Variants in HARS2 observed in about 807,000 individuals in gnomAD.
The protein encoded by HARS2 is histidyl-tRNA synthetase 2, mitochondrial.
A neutral mutation model predicts 62.4 loss-of-function variants in HARS2; 40 were observed. The observed-to-expected ratio is 0.64, with a 90% CI of 0.50 to 0.83. The LOEUF (loss-of-function observed/expected upper bound fraction) is 0.83. Ranked by LOEUF, HARS2 falls within the 40% of genes least tolerant of loss-of-function variation. The pLI is 0.00. For synonymous variants in HARS2, 228 were observed against 227.0 expected (o/e 1.00, Z -0.04); for missense variants, 569 against 626.4 (o/e 0.91, Z 0.98).
rs768516014 is a variant in HARS2 at position 140,694,260 on chromosome 5, T to C, written c.379T>C (p.Ser127Pro). The C allele has an allele frequency of 6.2e-7, 1 of 1,610,124 alleles. No individual in the cohort carries two copies. Among genetic ancestry groups the C allele is most frequent in the Non-Finnish European group, 8.5e-7 (1 of 1,176,294 alleles). ...GAAGGATCAAGGTGGAGAGCTGTTGTCCCTCCGCTATGACCTTACTGTATC... is the reference window on the plus strand; with the variant it reads ...GAAGGATCAAGGTGGAGAGCTGTTGCCCCTCCGCTATGACCTTACTGTATC... ...DLKDQGGELL[S>P]LRYDLTVPFA... Residue 127 changes from serine (S) to proline (P), a missense_variant, in exon 4 of 13, where the codon TCC (serine) becomes CCC (proline). Physicochemically the swap from Ser to Pro is moderately conservative, Grantham distance 74. Transcript: ENST00000230771.
chr5:140,697,118 G>A (rs942884992), intron 9 of HARS2, 46 bp from the exon 10 acceptor site: 1 of 1,614,020 alleles, frequency 6.2e-7, no homozygotes, highest in African/African-American at 1.3e-5. Flanking sequence ...AGGGCTCTCA[G>A]GGTCCCGAGT....
rs2149858420 is a variant in HARS2 at position 140,698,885 on chromosome 5, GATTCTGA to G, written c.*335_*341del. 1 of 385,302 alleles carries G rather than the reference GATTCTGA, an allele frequency of 2.6e-6. No homozygotes were observed. Among genetic ancestry groups the G allele is most frequent in the Admixed American group, 3.8e-5 (1 of 26,236 alleles). The allele number at this position is 385,302 out of a possible 1,614,324, so 23.9% of individuals were successfully genotyped here. A position where few individuals can be genotyped will look rare whatever the true frequency, so the allele number is the denominator to read the frequency against. On this transcript the variant is annotated 3_prime_UTR_variant, in exon 13 of 13. Coordinates refer to ENST00000230771, the MANE Select transcript of HARS2 (RefSeq NM_012208.4). Reference sequence around the variant, plus strand: ...TCTGGGAGAGTCACCTCAGGCTCAGGATTCTGAACCATTGAGATCAGAAACCAGATAC... The same window carrying G: ...TCTGGGAGAGTCACCTCAGGCTCAGGACCATTGAGATCAGAAACCAGATAC...
At chr5:140,698,296 A>G (rs1480994323) in intron 12 of HARS2, among the ~76,000 whole-genome samples, 197 bp from the exon 13 acceptor site, 1 of 152,230 alleles carries the variant, frequency 6.6e-6, no homozygotes, top group Admixed American at 6.5e-5. Flanking sequence ...GAGACTAATC[A>G]ACATAATAGA....
Position 140,694,074 on chromosome 5 carries a change from T to G in HARS2, c.303+20T>G, listed in dbSNP as rs1759654264. On this transcript the variant is annotated intron_variant, in intron 3 of 12. Coordinates refer to ENST00000230771, the MANE Select transcript of HARS2 (RefSeq NM_012208.4). ...CTGAAGGTAAGGGGAGAAGAAAGAGTACGTGCAACCTCACTCACTTCTTCA... is the reference window on the plus strand; with the variant it reads ...CTGAAGGTAAGGGGAGAAGAAAGAGGACGTGCAACCTCACTCACTTCTTCA... The G allele has an allele frequency of 6.2e-7, 1 of 1,613,746 alleles. No homozygotes were observed. The highest frequency in any genetic ancestry group is 1.3e-5 in the African/African-American group (1 of 74,874).
In HARS2 at chr5:140,699,156, CTTAA is replaced by C. The variant is rs1203502976; in HGVS notation, c.*606_*609del. ...ATGCTTGATAATCTTGAACATTGAA[CTTAA>C]TAGATGACTTGACAAGGTAGAGATC... On this transcript the variant is annotated 3_prime_UTR_variant, in exon 13 of 13. Transcript: ENST00000230771. The C allele has an allele frequency of 6.1e-6, 1 of 164,778 alleles. No homozygotes were observed. Among genetic ancestry groups the C allele is most frequent in the Admixed American group, 5.6e-5 (1 of 17,962 alleles). The allele number at this position is 164,778 out of a possible 1,614,324, so 10.2% of individuals were successfully genotyped here. A position where few individuals can be genotyped will look rare whatever the true frequency, so the allele number is the denominator to read the frequency against.
intron 12 of HARS2, 122 bp from the exon 13 acceptor site, chr5:140,698,371 A>C (rs1220339871): frequency 1.7e-5 from 14 of 847,412 alleles, no homozygotes; most frequent in Non-Finnish European, 2.9e-5. Flanking sequence ...AACCCACACT[A>C]CTCCTTTCTG....
intron 1 of HARS2, among the ~76,000 whole-genome samples, chr5:140,693,139 C>T (rs182948878): frequency 3.2e-4 from 48 of 151,898 alleles, no homozygotes; most frequent in Non-Finnish European, 5.4e-4. Context: ...CAAGAGCAGC[C>T]TGGCCAACAT....
At chr5:140,693,558 A>G (rs753510596) in intron 1 of HARS2, 33 bp from the exon 2 acceptor site, 1 of 1,614,050 alleles carries the variant, frequency 6.2e-7, no homozygotes, top group East Asian at 2.2e-5. Flanking sequence ...CAGTGTCCAG[A>G]GAAGCCACAT....
chr5:140,694,279 C>T lies in HARS2; in HGVS notation c.398C>T (p.Thr133Ile), dbSNP rs1257463077. 1 of 1,601,978 alleles carries T rather than the reference C, an allele frequency of 6.2e-7. No individual in the cohort carries two copies. Among genetic ancestry groups the T allele is most frequent in the South Asian group, 1.1e-5 (1 of 90,850 alleles). ...GELLSLRYDL[T>I]VPFARYLAMN... The stretch of plus-strand genomic sequence containing the variant: ...CTGTTGTCCCTCCGCTATGACCTTA[C>T]TGTATCCTTTTGAGTACTGGAGCCT... Residue 133 changes from threonine to isoleucine, a missense_variant and splice_region_variant, in exon 4 of 13, where the codon ACT (threonine) becomes ATT (isoleucine). Thr to Ile is a moderately conservative substitution (Grantham distance 89). Coordinates refer to ENST00000230771, the MANE Select transcript of HARS2 (RefSeq NM_012208.4).
At chr5:140,697,869 T>C (rs1759816651) in intron 11 of HARS2, 63 bp from the exon 12 acceptor site, 1 of 1,555,216 alleles carries the variant, frequency 6.4e-7, no homozygotes, top group Non-Finnish European at 8.9e-7. Flanking sequence ...TGGATATCCA[T>C]GTTCCTGAGG....
At chr5:140,693,779 A>G (rs1341835850) in intron 2 of HARS2, 114 bp downstream of exon 2, 9 of 1,221,582 alleles carry the variant, frequency 7.4e-6, no homozygotes, top group Admixed American at 1.7e-5. Flanking sequence ...AAAAATATAT[A>G]CTATTCTTGA....
intron 8 of HARS2, 32 bp downstream of exon 8, chr5:140,696,646 A>C (rs1160403793): frequency 7.0e-7 from 1 of 1,421,990 alleles, no homozygotes; most frequent in South Asian, 1.1e-5. Flanking sequence ...GCTGTGATAG[A>C]ACCAGGCTGA....
At chr5:140,695,868 T>C (rs778864428) in intron 6 of HARS2, 23 bp downstream of exon 6, 1 of 1,539,672 alleles carries the variant, frequency 6.5e-7, no homozygotes, top group Admixed American at 1.7e-5. Flanking sequence ...CTGAGAACTG[T>C]GGGAGAAGTC....
chr5:140,694,377 T>C, intron 4 of HARS2, 97 bp downstream of exon 4: 1 of 840,420 alleles, frequency 1.2e-6, no homozygotes, highest in Non-Finnish European at 2.1e-6. Context: ...ATCTTAGAGG[T>C]CCATTGCCTA....
chr5:140,697,066 A>G lies in HARS2; in HGVS notation c.950A>G (p.Asp317Gly), dbSNP rs1415523734. 3.1e-6 allele frequency: 5 copies of G among 1,614,022 alleles called. No homozygotes were observed. The Admixed American group carries it at 5.0e-5, about 16-fold the overall frequency. ...FEYLTLFGIA[D>G]KISFDLSLAR... ...TACCTGACTTTATTTGGAATTGCTG[A>G]TAAGGTAAGCTGAATTGCAAATGGA... The change falls in exon 9 of 13, where the codon GAT becomes GGT. Residue 317 changes from aspartate to glycine, a missense_variant. Asp to Gly is a moderately conservative substitution (Grantham distance 94). Coordinates refer to ENST00000230771, the MANE Select transcript of HARS2 (RefSeq NM_012208.4).
rs1220762252 is a variant in HARS2 at position 140,694,118 on chromosome 5, A to G, written c.303+64A>G. On this transcript the variant is annotated intron_variant, in intron 3 of 12. Coordinates refer to ENST00000230771, the MANE Select transcript of HARS2 (RefSeq NM_012208.4). ...TTCTTCAATGGCGTTCAGTGTCCCA[A>G]AGGGCTTCTCATCTGTGTTTTGGAG... 2.5e-6 allele frequency: 4 copies of G among 1,609,338 alleles called. No individual in the cohort carries two copies. In the African/African-American group the frequency reaches 4.0e-5, roughly 16 times the overall value.
rs1759803452 is a variant in HARS2 at position 140,697,623 on chromosome 5, C to G, written c.1252C>G (p.Gln418Glu). 1.5e-5 allele frequency: 24 copies of G among 1,614,098 alleles called. No individual in the cohort carries two copies. Among genetic ancestry groups the G allele is most frequent in the Non-Finnish European group, 1.9e-5 (22 of 1,179,964 alleles). Residue 418 changes from glutamine (Q) to glutamate (E), a missense_variant, in exon 11 of 13, where the codon CAG (glutamine) becomes GAG (glutamate). Gln to Glu is a conservative substitution (Grantham distance 29, BLOSUM62 2). Coordinates refer to ENST00000230771, the MANE Select transcript of HARS2 (RefSeq NM_012208.4). ...TETQVFVATP[Q>E]KNFLQERLKL... ...GACTCAAGTGTTTGTGGCCACACCA[C>G]AGAAGAACTTTCTCCAAGAACGGTT...
In HARS2 at chr5:140,691,497, A is replaced by G. The variant is rs1276154996; in HGVS notation, c.-152A>G. On this transcript the variant is annotated 5_prime_UTR_variant, in exon 1 of 13. Coordinates refer to ENST00000230771, the MANE Select transcript of HARS2 (RefSeq NM_012208.4). ...AGGGAACTTGGGAGGATCCCACCTCAGCCTTCGTGACTAGTGAGGTGCGCA... is the reference window on the plus strand; with the variant it reads ...AGGGAACTTGGGAGGATCCCACCTCGGCCTTCGTGACTAGTGAGGTGCGCA... 2 of 727,984 alleles carry G rather than the reference A, an allele frequency of 2.7e-6. No homozygotes were observed. Among genetic ancestry groups the G allele is most frequent in the Non-Finnish European group, 4.8e-6 (2 of 420,874 alleles). 45.1% of individuals were successfully genotyped at this position (727,984 alleles called of 1,614,324 possible).
Position 140,691,549 on chromosome 5 carries a change from G to C in HARS2, c.-100G>C. The stretch of plus-strand genomic sequence containing the variant: ...ACGCCCGAGTTTTCCCTGGTGCGCG[G>C]GTTCCGCCTTTGCAGTGCCCTCCAC... On this transcript the variant is annotated 5_prime_UTR_variant, in exon 1 of 13. Coordinates refer to ENST00000230771, the MANE Select transcript of HARS2 (RefSeq NM_012208.4). 1.2e-6 allele frequency: 1 copy of C among 841,940 alleles called. No homozygotes were observed. The highest frequency in any genetic ancestry group is 2.0e-6 in the Non-Finnish European group (1 of 509,638). 52.2% of individuals were successfully genotyped at this position (841,940 alleles called of 1,614,324 possible). A position where few individuals can be genotyped will look rare whatever the true frequency, so the allele number is the denominator to read the frequency against.
Sources: allele counts gnomAD v4.1 joint callset (sites outside exome capture counted in the v4.1 genomes callset), GRCh38; gene constraint gnomAD v4.1.1; transcripts MANE v1.5; gene names NCBI Gene and HGNC (gene_info 2026-07-23, HGNC 2026-07-21).